Variants in ZNF827 observed in about 807,000 individuals in gnomAD.
ZNF827 encodes zinc finger protein 827.
Under a neutral mutation model 102.4 loss-of-function variants are expected in ZNF827, and 13 were observed. That is an observed-to-expected ratio of 0.13 (90% CI 0.08 to 0.20). The LOEUF is 0.20. ZNF827 is among the 10% of genes least tolerant of loss of function. ZNF827 has a pLI of 1.00. For synonymous variants in ZNF827, 523 were observed against 536.2 expected (o/e 0.98, Z 0.34); for missense variants, 1,103 against 1,344.4 (o/e 0.82, Z 2.81).
chr4:145,928,934 GC>G (rs1194545150), intron 1 of ZNF827, among the ~76,000 whole-genome samples: 1 of 152,186 alleles, frequency 6.6e-6, no homozygotes, highest in African/African-American at 2.4e-5. Flanking sequence ...GGAGACAGCC[GC>G]CACCGACTAC....
Position 145,761,215 on chromosome 4 carries a change from C to A in ZNF827, c.*401G>T, listed in dbSNP as rs1285431956. ...CCCACTCTGGTGCTTCTTGACGTGG[C>A]GGCTGAAGACGAAAGGGTGTGTGGT... On this transcript the variant is annotated 3_prime_UTR_variant, in exon 15 of 15. Coordinates refer to ENST00000508784, the MANE Select transcript of ZNF827 (RefSeq NM_001306215.2). The surrounding 1 kb of genome is among the most constrained non-coding windows in gnomAD (Gnocchi z 6.8). 1.6e-6 allele frequency: 2 copies of A among 1,289,820 alleles called. No homozygotes were observed. The highest frequency in any genetic ancestry group is 2.0e-6 in the Non-Finnish European group (2 of 988,868). 79.9% of individuals were successfully genotyped at this position (1,289,820 alleles called of 1,614,324 possible).
chr4:145,924,696 T>C (rs932090415), intron 1 of ZNF827, among the ~76,000 whole-genome samples: 5 of 152,258 alleles, frequency 3.3e-5, no homozygotes, highest in African/African-American at 1.2e-4. Context: ...TTTTTATCAC[T>C]GTAAAAGAAA....
chr4:145,938,234 C>T (rs1018829298), intron 1 of ZNF827, 131 bp downstream of exon 1: 1 of 1,085,480 alleles, frequency 9.2e-7, no homozygotes, highest in African/African-American at 1.5e-5. Context: ...GTAACCCGGG[C>T]TGTGTCTTTG....
chr4:145,875,159 T>C (rs1001225502), intron 4 of ZNF827, among the ~76,000 whole-genome samples: 3 of 152,230 alleles, frequency 2.0e-5, no homozygotes, highest in South Asian at 2.1e-4. Context: ...GAAAATACTA[T>C]ATAACTTCCT....
chr4:145,877,294 T>C (rs1331001143), intron 4 of ZNF827, among the ~76,000 whole-genome samples: 1 of 152,154 alleles, frequency 6.6e-6, no homozygotes, highest in Non-Finnish European at 1.5e-5. Flanking sequence ...GCAGTGTGTA[T>C]GTATGTATGT....
At chr4:145,768,722 G>C (rs1159586997) in intron 11 of ZNF827, among the ~76,000 whole-genome samples, 1 of 149,370 alleles carries the variant, frequency 6.7e-6, no homozygotes, top group Non-Finnish European at 1.5e-5. Flanking sequence ...GCCAGGTGTG[G>C]TGGCATATGC....
chr4:145,934,539 G>T (rs778998713), intron 1 of ZNF827, among the ~76,000 whole-genome samples: 1 of 152,194 alleles, frequency 6.6e-6, no homozygotes, highest in East Asian at 1.9e-4. Context: ...TTAGCAGGCC[G>T]GAGCTCAGAC....
Position 145,903,139 on chromosome 4 carries a change from C to T in ZNF827, c.120G>A (p.Pro40=), listed in dbSNP as rs371962030. The change falls in exon 2 of 15, where the codon CCG becomes CCA. Residue 40 remains proline, a synonymous_variant. Coordinates refer to ENST00000508784, the MANE Select transcript of ZNF827 (RefSeq NM_001306215.2). ...EHWYGNSSET[P]SEASYGEVQE... ...GGACTTCCCCATAGGATGCTTCTGA[C>T]GGAGTCTCTGAAGAGTTTCCATACC... 4.0e-5 allele frequency: 65 copies of T among 1,614,102 alleles called. No individual in the cohort carries two copies. Among genetic ancestry groups the T allele is most frequent in the Non-Finnish European group, 4.6e-5 (54 of 1,180,050 alleles).
At chr4:145,870,204 G>T in intron 5 of ZNF827, 41 bp downstream of exon 5, 2 of 1,595,076 alleles carry the variant, frequency 1.3e-6, no homozygotes, top group South Asian at 2.2e-5. Context: ...GCCTGCAAGT[G>T]AAACTATCAG....
rs778950925 is a variant in ZNF827, at chr4:145,938,348, G to A, written c.43+17C>T. 6.2e-7 allele frequency: 1 copy of A among 1,613,784 alleles called. No homozygotes were observed. The highest frequency in any genetic ancestry group is 8.5e-7 in the Non-Finnish European group (1 of 1,179,956). On this transcript the variant is annotated intron_variant, in intron 1 of 14. Transcript: ENST00000508784. ...CGAGAAAATGGCACGAGAGGAGGTGGAGAAGGGATGACTTACGTGAGGGAA... is the reference window on the plus strand; with the variant it reads ...CGAGAAAATGGCACGAGAGGAGGTGAAGAAGGGATGACTTACGTGAGGGAA...
chr4:145,893,709 A>G lies in ZNF827; in HGVS notation c.1094-1294T>C, dbSNP rs76072356. ...TGGGGCAGATACCATGTGCCTTCTG[A>G]TATGTCATCTGTGAAATGTCCTTAT... On this transcript the variant is annotated intron_variant, in intron 2 of 14. Coordinates refer to ENST00000508784, the MANE Select transcript of ZNF827 (RefSeq NM_001306215.2). Among the ~76,000 whole-genome samples, 109 of 152,312 alleles carry G rather than the reference A, an allele frequency of 7.2e-4. No homozygotes were observed. In the East Asian group the frequency reaches 0.016, roughly 23 times the overall value.
chr4:145,878,169 C>G lies in ZNF827; in HGVS notation c.1747+7509G>C, dbSNP rs141371335. 9.9e-5 allele frequency among the ~76,000 whole-genome samples: 15 copies of G among 152,276 alleles called. No individual in the cohort carries two copies. The East Asian group carries it at 2.5e-3, about 25-fold the overall frequency. On this transcript the variant is annotated intron_variant, in intron 4 of 14. Coordinates refer to ENST00000508784, the MANE Select transcript of ZNF827 (RefSeq NM_001306215.2). ...GATCACCCAGAGAGTCTGAAGAACT[C>G]TGGACTGTGGCAGACCATGAAATGG...
At position 145,936,523 on chromosome 4, in the gene ZNF827, G is replaced by A. The variant is rs373952907; in HGVS notation, c.43+1842C>T. On this transcript the variant is annotated intron_variant, in intron 1 of 14. Coordinates refer to ENST00000508784, the MANE Select transcript of ZNF827 (RefSeq NM_001306215.2). The stretch of plus-strand genomic sequence containing the variant: ...ACTCCTGCGTACCGGGAAGGGGAAA[G>A]AAAGAGGAATGTTTGCGGAGCGGAC... Among the ~76,000 whole-genome samples, 20 of 152,228 alleles carry A rather than the reference G, an allele frequency of 1.3e-4. No homozygotes were observed. In the East Asian group the frequency reaches 1.4e-3, roughly 10 times the overall value.
intron 8 of ZNF827, among the ~76,000 whole-genome samples, chr4:145,790,930 G>A (rs1290824725): frequency 6.6e-6 from 1 of 152,194 alleles, no homozygotes; most frequent in African/African-American, 2.4e-5. Context: ...TAAGGCAACA[G>A]TGGTCACAAA....
At chr4:145,794,221 C>T (rs1211064785) in intron 8 of ZNF827, among the ~76,000 whole-genome samples, 1 of 152,184 alleles carries the variant, frequency 6.6e-6, no homozygotes, top group African/African-American at 2.4e-5. Context: ...AATATGGGAA[C>T]TCACAGATCC....
intron 1 of ZNF827, among the ~76,000 whole-genome samples, chr4:145,905,971 A>C (rs1460048298): frequency 6.6e-6 from 1 of 152,234 alleles, no homozygotes; most frequent in Non-Finnish European, 1.5e-5. Flanking sequence ...GAATGGTTCC[A>C]AACTAATGCA....
intron 4 of ZNF827, 106 bp downstream of exon 4, chr4:145,885,572 C>A: frequency 7.0e-7 from 1 of 1,428,436 alleles, no homozygotes; most frequent in Non-Finnish European, 9.2e-7. Flanking sequence ...CTAGTTCTAC[C>A]AGCTTATTTT....
Position 145,761,207 on chromosome 4 carries a change from T to C in ZNF827, c.*409A>G. 1 of 1,289,838 alleles carries C rather than the reference T, an allele frequency of 7.8e-7. No homozygotes were observed. Among genetic ancestry groups the C allele is most frequent in the Non-Finnish European group, 1.0e-6 (1 of 988,860 alleles). The allele number at this position is 1,289,838 out of a possible 1,614,324, so 79.9% of individuals were successfully genotyped here. On this transcript the variant is annotated 3_prime_UTR_variant, in exon 15 of 15. Transcript: ENST00000508784. This position sits in a 1 kb window ranked among gnomAD's most constrained non-coding sequence, Gnocchi z 6.8. ...GGGCAGTCCCCACTCTGGTGCTTCTTGACGTGGCGGCTGAAGACGAAAGGG... is the reference window on the plus strand; with the variant it reads ...GGGCAGTCCCCACTCTGGTGCTTCTCGACGTGGCGGCTGAAGACGAAAGGG...
intron 1 of ZNF827, among the ~76,000 whole-genome samples, chr4:145,925,115 C>A (rs1273773369): frequency 6.6e-6 from 1 of 152,108 alleles, no homozygotes. Flanking sequence ...CTTTATAAAA[C>A]CATCAGATCT....
Sources: allele counts gnomAD v4.1 joint callset (sites outside exome capture counted in the v4.1 genomes callset), GRCh38; gene constraint gnomAD v4.1.1; non-coding constraint Gnocchi (gnomAD v3.1); transcripts MANE v1.5; gene names NCBI Gene and HGNC (gene_info 2026-07-23, HGNC 2026-07-21).